Variants in OTOF observed in about 807,000 individuals in gnomAD.
The protein encoded by OTOF is otoferlin.
Under a neutral mutation model 236.8 loss-of-function variants are expected in OTOF, and 218 were observed. The observed-to-expected ratio is 0.92, with a 90% CI of 0.82 to 1.03. The LOEUF is 1.03. Ranked by LOEUF, OTOF falls within the 50% of genes least tolerant of loss-of-function variation. The pLI is 0.00. For missense variants in OTOF, 2,590 were observed against 2,694.4 expected, an observed-to-expected ratio of 0.96 and a Z score of 0.86; for synonymous variants, 1,041 against 1,072.5, an observed-to-expected ratio of 0.97 and a Z score of 0.57.
At chr2:26,482,728 A>C in intron 13 of OTOF, 136 bp from the exon 14 acceptor site, 1 of 670,366 alleles carries the variant, frequency 1.5e-6, no homozygotes, top group Non-Finnish European at 2.5e-6. Context: ...TGCGTGTGTG[A>C]GTGGATGCAT....
At chr2:26,491,932 G>C (rs1051699868) in intron 9 of OTOF, among the ~76,000 whole-genome samples, 6 of 152,222 alleles carry the variant, frequency 3.9e-5, no homozygotes, top group Admixed American at 2.0e-4. Flanking sequence ...TTTTGTAATA[G>C]CTTAGATACC....
rs112835827 is a variant in OTOF at position 26,524,298 on chromosome 2, A to G, written c.227+3534T>C. Among the ~76,000 whole-genome samples, 824 of 152,374 alleles carry G rather than the reference A, an allele frequency of 5.4e-3. 3 individuals carry two copies. The highest frequency in any genetic ancestry group is 0.01 in the Admixed American group (155 of 15,304). ...TGAGGCAGGTCTATTACCTGAAGCC[A>G]GGAGTTCGAGACCATCCTGGCCAAC... On this transcript the variant is annotated intron_variant, in intron 3 of 46. Transcript: ENST00000272371.
chr2:26,484,839 G>A (rs548288364), intron 11 of OTOF, among the ~76,000 whole-genome samples: 2 of 152,318 alleles, frequency 1.3e-5, no homozygotes, highest in South Asian at 4.1e-4. Context: ...TGCATGGCCT[G>A]CCCATGGACA....
rs777302475 is a variant in OTOF, at chr2:26,479,543, C to T, written c.2023G>A (p.Glu675Lys). 24 of 1,611,556 alleles carry T rather than the reference C, an allele frequency of 1.5e-5. No homozygotes were observed. Among genetic ancestry groups the T allele is most frequent in the African/African-American group, 2.7e-5 (2 of 74,930 alleles). The part of the protein sequence containing the change: ...VDLIQNASDD[E>K]AGDAGDLASV... ...GCCAGGTCCCCGGCATCACCGGCCT[C>T]GTCATCACTTGCGTTCTGAATCAGG... is the stretch of plus-strand genomic sequence containing the variant. The change falls in exon 17 of 47, where the codon GAG becomes AAG. Residue 675 changes from glutamate to lysine, a missense_variant. Coordinates refer to ENST00000272371, the MANE Select transcript of OTOF (RefSeq NM_194248.3).
In OTOF at chr2:26,539,565, G is replaced by A. The variant is rs374272616; in HGVS notation, c.80-1791C>T. 1.9e-4 allele frequency among the ~76,000 whole-genome samples: 29 copies of A among 152,068 alleles called. No individual in the cohort carries two copies. The East Asian group carries it at 2.3e-3, about 12-fold the overall frequency. On this transcript the variant is annotated intron_variant, in intron 1 of 46. Coordinates refer to ENST00000272371, the MANE Select transcript of OTOF (RefSeq NM_194248.3). The stretch of plus-strand genomic sequence containing the variant: ...TGCTTGACCAACATGGAGAAACCCC[G>A]TCTCTACTAAAAATACAAAAATAGC...
chr2:26,505,224 G>T lies in OTOF; in HGVS notation c.510-1379C>A, dbSNP rs574545584. ...ACGTGGCAGCAGCTCACAATTTAGG[G>T]AACATTAGCATGTTCTTTGAATTCC... On this transcript the variant is annotated intron_variant, in intron 5 of 46. Coordinates refer to ENST00000272371, the MANE Select transcript of OTOF (RefSeq NM_194248.3). Among the ~76,000 whole-genome samples, 173 of 152,246 alleles carry T rather than the reference G, an allele frequency of 1.1e-3. 1 individual carries two copies. Among genetic ancestry groups the T allele is most frequent in the African/African-American group, 4.0e-3 (165 of 41,524 alleles).
chr2:26,518,305 G>A (rs1352165887), intron 4 of OTOF, among the ~76,000 whole-genome samples: 1 of 152,242 alleles, frequency 6.6e-6, no homozygotes. Flanking sequence ...GAATAGTCCT[G>A]GGAGGTGGAT....
chr2:26,502,458 T>C (rs1426781625), intron 6 of OTOF, 32 bp from the exon 7 acceptor site: 2 of 1,602,956 alleles, frequency 1.2e-6, no homozygotes, highest in East Asian at 2.2e-5. Context: ...TTAGGTGGGC[T>C]GACTGATGGT....
At chr2:26,479,217 G>A (rs771608906) in intron 18 of OTOF, 47 bp downstream of exon 18, 20 of 1,606,688 alleles carry the variant, frequency 1.2e-5, no homozygotes, top group African/African-American at 5.3e-5. Flanking sequence ...TGACAGCGCC[G>A]TCTCCCCCAG....
chr2:26,513,895 G>A (rs1475678900), intron 5 of OTOF, among the ~76,000 whole-genome samples: 2 of 152,164 alleles, frequency 1.3e-5, no homozygotes, highest in African/African-American at 4.8e-5. Context: ...CACACTATGT[G>A]ACAAGGGTGA....
Position 26,476,217 on chromosome 2 carries a change from A to T in OTOF, c.2777T>A (p.Leu926Gln), listed in dbSNP as rs1176347487. 6.2e-7 allele frequency: 1 copy of T among 1,609,804 alleles called. No individual in the cohort carries two copies. Among genetic ancestry groups the T allele is most frequent in the African/African-American group, 1.3e-5 (1 of 75,018 alleles). ...LGLSKQRKEF[L>Q]CGLPCGFQEV... Reference sequence around the variant, plus strand: ...CTGGAAGCCACAGGGCAGGCCGCACAGGAACTCCTTGCGCTGTTTGCTGAG... The same window carrying T: ...CTGGAAGCCACAGGGCAGGCCGCACTGGAACTCCTTGCGCTGTTTGCTGAG... The change falls in exon 23 of 47, where the codon CTG (leucine) becomes CAG (glutamine). Residue 926 changes from leucine to glutamine, a missense_variant. Leu to Gln is a moderately radical substitution (Grantham distance 113). Around this residue, in one of 2 missense-constraint regions of OTOF, gnomAD observed 1,379 missense variants for 1,341.6 expected, o/e 1.03. Transcript: ENST00000272371.
chr2:26,483,909 C>T (rs765444526), intron 12 of OTOF, among the ~76,000 whole-genome samples: 3 of 152,206 alleles, frequency 2.0e-5, no homozygotes, highest in African/African-American at 4.8e-5. Flanking sequence ...GGCTCAAGCA[C>T]GCTAAAACAT....
At chr2:26,467,777 T>C (rs1470087165) in intron 33 of OTOF, among the ~76,000 whole-genome samples, 1 of 152,196 alleles carries the variant, frequency 6.6e-6, no homozygotes, top group Non-Finnish European at 1.5e-5. Flanking sequence ...GGCCTGTTGC[T>C]GCGCAGTTCC....
rs1209741505 is a variant in OTOF, at chr2:26,470,615, G to A, written c.4001C>T (p.Ala1334Val). 1 of 1,613,982 alleles carries A rather than the reference G, an allele frequency of 6.2e-7. No individual in the cohort carries two copies. The change falls in exon 32 of 47, where the codon GCC (alanine) becomes GTC (valine). Residue 1334 changes from alanine to valine, a missense_variant. Around this residue, in one of 2 missense-constraint regions of OTOF, gnomAD observed 1,211 missense variants for 1,352.8 expected, o/e 0.90. Coordinates refer to ENST00000272371, the MANE Select transcript of OTOF (RefSeq NM_194248.3). The surrounding 1 kb of genome is among the most constrained non-coding windows in gnomAD (Gnocchi z 4.3). ...CACCTCCTTCATGGTGTCAATGGAG[G>A]CAAAGTACTTGGACCACCAGTCCAG... The part of the protein sequence containing the change: ...SMLDWWSKYF[A>V]SIDTMKEQLR...
intron 14 of OTOF, among the ~76,000 whole-genome samples, chr2:26,481,486 C>T (rs955084034): frequency 1.3e-5 from 2 of 152,202 alleles, no homozygotes; most frequent in Non-Finnish European, 2.9e-5. Context: ...CAAGTCCCTT[C>T]TCTTATGGCT....
intron 1 of OTOF, among the ~76,000 whole-genome samples, chr2:26,556,726 T>C (rs996797195): frequency 2.6e-5 from 4 of 152,124 alleles, no homozygotes; most frequent in African/African-American, 9.7e-5. Context: ...CCACCGTGCC[T>C]CAGCTCCTCC....
At position 26,501,706 on chromosome 2, in the gene OTOF, C is replaced by G. The variant is rs148595171; in HGVS notation, c.765+48G>C. 1.5e-4 allele frequency: 203 copies of G among 1,313,410 alleles called. No homozygotes were observed. The East Asian group carries it at 4.6e-3, about 30-fold the overall frequency. 81.4% of individuals were successfully genotyped at this position (1,313,410 alleles called of 1,614,324 possible). A position where few individuals can be genotyped will look rare whatever the true frequency, so the allele number is the denominator to read the frequency against. On this transcript the variant is annotated intron_variant, in intron 8 of 46. Transcript: ENST00000272371. Reference sequence around the variant, plus strand: ...TAATGCACATCCGGCTAGAATCCCCCACTAGAGCAGAGTCTGAAAGACATG... The same window carrying G: ...TAATGCACATCCGGCTAGAATCCCCGACTAGAGCAGAGTCTGAAAGACATG...
intron 8 of OTOF, among the ~76,000 whole-genome samples, chr2:26,499,108 G>T (rs1009044351): frequency 6.6e-6 from 1 of 152,154 alleles, no homozygotes; most frequent in African/African-American, 2.4e-5. Flanking sequence ...TGGTAATAAA[G>T]AGACTCAAGA....
chr2:26,548,455 G>A (rs1358604187), intron 1 of OTOF, among the ~76,000 whole-genome samples: 1 of 152,062 alleles, frequency 6.6e-6, no homozygotes, highest in African/African-American at 2.4e-5. Context: ...CCTGGAAGGA[G>A]ACTCCATACC....
Sources: gnomAD v4.1 joint callset for allele counts (sites outside exome capture counted in the v4.1 genomes callset) on GRCh38, gnomAD v4.1.1 for gene constraint, gnomAD v4.1.1 regional missense constraint, Gnocchi (gnomAD v3.1) non-coding constraint, MANE v1.5 for transcripts, NCBI Gene and HGNC (gene_info 2026-07-23, HGNC 2026-07-21) for gene names.